Variants in MEGF8 observed in about 807,000 individuals in gnomAD.
MEGF8 encodes multiple epidermal growth factor-like domains protein 8.
A neutral mutation model predicts 302.9 loss-of-function variants in MEGF8; 156 were observed. That is an observed-to-expected ratio of 0.52 (90% CI 0.45 to 0.59). The LOEUF is 0.59. Ranked by LOEUF, MEGF8 falls within the 20% of genes least tolerant of loss-of-function variation. MEGF8 has a pLI of 0.00. For synonymous variants in MEGF8, 1,621 were observed against 1,660.5 expected (o/e 0.98, Z 0.58); for missense variants, 3,345 against 3,964.5 (o/e 0.84, Z 4.20).
chr19:42,350,117 G>A, intron 14 of MEGF8, 31 bp from the exon 15 acceptor site: 1 of 1,569,238 alleles, frequency 6.4e-7, no homozygotes, highest in Non-Finnish European at 8.7e-7. Context: ...CCCAGACCTT[G>A]ACTGCTGCCT....
rs1480711467 is a variant in MEGF8 at position 42,363,047 on chromosome 19, G to A, written c.6059-1G>A. ...TTCTAATCCCCGTGCCCCACCCCCA[G>A]GGGAGACCCGCCGCATCCTCTCCGT... On this transcript the variant is annotated splice_acceptor_variant, in intron 34 of 41. Transcript: ENST00000251268. LOFTEE classifies it high-confidence loss of function. The A allele has an allele frequency of 6.2e-7, 1 of 1,611,808 alleles. No individual in the cohort carries two copies. Among genetic ancestry groups the A allele is most frequent in the Non-Finnish European group, 8.5e-7 (1 of 1,179,074 alleles).
chr19:42,326,372 C>A lies in MEGF8; in HGVS notation c.129C>A (p.Phe43Leu). 5 of 1,585,408 alleles carry A rather than the reference C, an allele frequency of 3.2e-6. No individual in the cohort carries two copies. The highest frequency in any genetic ancestry group is 4.3e-6 in the Non-Finnish European group (5 of 1,168,632). Residue 43 changes from phenylalanine (F) to leucine (L), a missense_variant, in exon 1 of 42, where the codon TTC (phenylalanine) becomes TTA (leucine). Phe to Leu is a conservative substitution (Grantham distance 22). Coordinates refer to ENST00000251268, the MANE Select transcript of MEGF8 (RefSeq NM_001271938.2). ...AGGTGCTGCGGGAGGCGCCAGGCTT[C>A]GTGACGGATGGTGCGGGCAACTACA... ...QRQVLREAPG[F>L]VTDGAGNYSV...
At chr19:42,367,860 T>G (rs1013050303) in intron 35 of MEGF8, among the ~76,000 whole-genome samples, 6 of 152,320 alleles carry the variant, frequency 3.9e-5, no homozygotes, top group African/African-American at 1.4e-4. Context: ...CTGCGTCCTC[T>G]TTATTTAATC....
intron 39 of MEGF8, 134 bp from the exon 40 acceptor site, chr19:42,370,567 C>T: frequency 9.7e-7 from 1 of 1,034,770 alleles, no homozygotes; most frequent in Non-Finnish European, 1.4e-6. Context: ...ACTCCTGGAT[C>T]TGAGGGAGGA....
intron 41 of MEGF8, among the ~76,000 whole-genome samples, chr19:42,374,121 G>A (rs896682309): frequency 6.6e-6 from 1 of 152,108 alleles, no homozygotes; most frequent in Admixed American, 6.5e-5. Flanking sequence ...GATATGAAAG[G>A]CTTTGCAAGA....
Position 42,358,438 on chromosome 19 carries a change from C to A in MEGF8, c.5175+131C>A. 1 of 1,172,412 alleles carries A rather than the reference C, an allele frequency of 8.5e-7. No individual in the cohort carries two copies. The highest frequency in any genetic ancestry group is 1.2e-6 in the Non-Finnish European group (1 of 858,600). The allele number at this position is 1,172,412 out of a possible 1,614,324, so 72.6% of individuals were successfully genotyped here. A position where few individuals can be genotyped will look rare whatever the true frequency, so the allele number is the denominator to read the frequency against. On this transcript the variant is annotated intron_variant, in intron 29 of 41. Transcript: ENST00000251268. This position sits in a 1 kb window ranked among gnomAD's most constrained non-coding sequence, Gnocchi z 4.4. Reference sequence around the variant, plus strand: ...CTTTCTATGTTCCCTAACTAAGCGACACCCCCACATCTCCCCCGCTTCCAT... The same window carrying A: ...CTTTCTATGTTCCCTAACTAAGCGAAACCCCCACATCTCCCCCGCTTCCAT...
At chr19:42,363,874 G>T (rs1018109616) in intron 35 of MEGF8, among the ~76,000 whole-genome samples, 2 of 152,110 alleles carry the variant, frequency 1.3e-5, no homozygotes, top group Admixed American at 6.5e-5. Flanking sequence ...GGTTTCTGTC[G>T]GTCTGATAGT....
At chr19:42,348,622 CAGAGTCTCACT>C in intron 13 of MEGF8, 150 bp downstream of exon 13, 1 of 773,060 alleles carries the variant, frequency 1.3e-6, no homozygotes, top group Non-Finnish European at 2.0e-6. Context: ...GTGTGTAAGA[CAGAGTCTCACT>C]CTGTTGTCCA....
At chr19:42,371,747 G>A (rs903451422) in intron 41 of MEGF8, among the ~76,000 whole-genome samples, 6 of 152,044 alleles carry the variant, frequency 3.9e-5, no homozygotes, top group African/African-American at 1.2e-4. Context: ...ACAGCTAAAG[G>A]TGGCACATGC....
In MEGF8 at chr19:42,363,259, G is replaced by T. The variant is rs771398845; in HGVS notation, c.6270G>T (p.Gln2090His). The change falls in exon 35 of 42, where the codon CAG becomes CAT. Residue 2090 changes from glutamine to histidine, a missense_variant. Coordinates refer to ENST00000251268, the MANE Select transcript of MEGF8 (RefSeq NM_001271938.2). ...ACTGTGTTTGGAGCAGCAGCCTGCAGCAGGTACTGCACCTGGCCAGGACCG... is the reference window on the plus strand; with the variant it reads ...ACTGTGTTTGGAGCAGCAGCCTGCATCAGGTACTGCACCTGGCCAGGACCG... ...WQHCVWSSSL[Q>H]QCLSPSYLPL... is the part of the protein sequence containing the mutation. 1.3e-6 allele frequency: 2 copies of T among 1,589,692 alleles called. No individual in the cohort carries two copies. Among genetic ancestry groups the T allele is most frequent in the Non-Finnish European group, 1.7e-6 (2 of 1,168,208 alleles).
At chr19:42,343,214 A>G (rs1057432752) in intron 8 of MEGF8, among the ~76,000 whole-genome samples, 3 of 152,208 alleles carry the variant, frequency 2.0e-5, no homozygotes, top group African/African-American at 7.2e-5. Flanking sequence ...TAGTTGATCC[A>G]CGATTTGAAC....
Position 42,376,023 on chromosome 19 carries a change from C to A in MEGF8, c.7786C>A (p.Leu2596Met), listed in dbSNP as rs140517402. 901 of 1,604,934 alleles carry A rather than the reference C, an allele frequency of 5.6e-4. 2 individuals carry two copies. Among genetic ancestry groups the A allele is most frequent in the Non-Finnish European group, 7.3e-4 (862 of 1,177,588 alleles). Residue 2596 changes from leucine to methionine, a missense_variant, in exon 42 of 42, where the codon CTG becomes ATG. By Grantham distance (15) the Leu-to-Met change is conservative. Coordinates refer to ENST00000251268, the MANE Select transcript of MEGF8 (RefSeq NM_001271938.2). The surrounding 1 kb of genome is among the most constrained non-coding windows in gnomAD (Gnocchi z 8.2). ...GGTGGTCCGCGGCGTGCGGGACCGG[C>A]TGGTCATCACCTACCCACACGAGCA... is the stretch of plus-strand genomic sequence containing the variant. ...VLVVRGVRDRLVITYPHEHHA... is the reference protein window; with the variant it reads ...VLVVRGVRDRMVITYPHEHHA...
Position 42,368,591 on chromosome 19 carries a change from G to C in MEGF8, c.6410G>C (p.Gly2137Ala). Residue 2137 changes from glycine (G) to alanine (A), a missense_variant, in exon 36 of 42, where the codon GGC becomes GCC. By Grantham distance (60) the Gly-to-Ala change is moderately conservative. Transcript: ENST00000251268. The surrounding 1 kb of genome is among the most constrained non-coding windows in gnomAD (Gnocchi z 4.9). ...TTGTGCCTGCGGCGCCCCCATTGCGGCTGGTGTGCCTGGGGGGGCCAGGAT... is the reference window on the plus strand; with the variant it reads ...TTGTGCCTGCGGCGCCCCCATTGCGCCTGGTGTGCCTGGGGGGGCCAGGAT... ...CALCLRRPHC[G>A]WCAWGGQDGG... 6.3e-7 allele frequency: 1 copy of C among 1,578,118 alleles called. No individual in the cohort carries two copies. The highest frequency in any genetic ancestry group is 8.6e-7 in the Non-Finnish European group (1 of 1,162,734).
Position 42,352,345 on chromosome 19 carries a change from T to G in MEGF8, c.3239T>G (p.Leu1080Arg), listed in dbSNP as rs982821081. 1.3e-6 allele frequency: 2 copies of G among 1,588,282 alleles called. No individual in the cohort carries two copies. The highest frequency in any genetic ancestry group is 1.7e-6 in the Non-Finnish European group (2 of 1,168,294). The change falls in exon 19 of 42, where the codon CTG becomes CGG. Residue 1080 changes from leucine (L) to arginine (R), a missense_variant. By Grantham distance (102) the Leu-to-Arg change is moderately radical. Transcript: ENST00000251268. This position sits in a 1 kb window ranked among gnomAD's most constrained non-coding sequence, Gnocchi z 4.4. The stretch of plus-strand genomic sequence containing the variant: ...TGTCCTGACGTGGATGAGTGTCGCC[T>G]GGGCCTGGCCCGGTGCCACCCGCGG... ...ARCPDVDECR[L>R]GLARCHPRAT... is the part of the protein sequence containing the mutation.
At chr19:42,345,993 C>T (rs1463940565) in intron 12 of MEGF8, among the ~76,000 whole-genome samples, 3 of 152,106 alleles carry the variant, frequency 2.0e-5, no homozygotes, top group Admixed American at 6.6e-5. Flanking sequence ...CTGCAGCTCC[C>T]GGGTTCAAGT....
At chr19:42,361,951 T>G in intron 32 of MEGF8, 139 bp from the exon 33 acceptor site, 2 of 1,294,722 alleles carry the variant, frequency 1.5e-6, no homozygotes, top group Non-Finnish European at 1.0e-6. Context: ...TACCAAATGG[T>G]GGTGGGGACA....
At chr19:42,327,690 A>G (rs1435844383) in intron 1 of MEGF8, among the ~76,000 whole-genome samples, 1 of 152,266 alleles carries the variant, frequency 6.6e-6, no homozygotes, top group African/African-American at 2.4e-5. Context: ...AGCTGAGATC[A>G]GAGGCATCTG....
intron 8 of MEGF8, among the ~76,000 whole-genome samples, chr19:42,339,247 G>A (rs2039179488): frequency 6.6e-6 from 1 of 152,080 alleles, no homozygotes; most frequent in Non-Finnish European, 1.5e-5. Flanking sequence ...ATATTCCTTG[G>A]GGTATATACC....
rs1187536940 is a variant in MEGF8, at chr19:42,362,596, A to G, written c.6057A>G (p.Thr2019=). ...TGTGGACGCGGCAGTTCAAGAGGACAGGTGAGCAGTGGGCCTAGTTCCTGA... is the reference window on the plus strand; with the variant it reads ...TGTGGACGCGGCAGTTCAAGAGGACGGGTGAGCAGTGGGCCTAGTTCCTGA... ...KCMWTRQFKR[T]GETRRILSVQ... The change falls in exon 34 of 42, where the codon ACA becomes ACG. Residue 2019 remains threonine (T), a splice_region_variant and synonymous_variant. Coordinates refer to ENST00000251268, the MANE Select transcript of MEGF8 (RefSeq NM_001271938.2). 9 of 1,608,008 alleles carry G rather than the reference A, an allele frequency of 5.6e-6. No individual in the cohort carries two copies. In the African/African-American group the frequency reaches 1.2e-4, roughly 22 times the overall value.
Sources: allele counts gnomAD v4.1 joint callset (sites outside exome capture counted in the v4.1 genomes callset), GRCh38; gene constraint gnomAD v4.1.1; non-coding constraint Gnocchi (gnomAD v3.1); transcripts MANE v1.5; gene names NCBI Gene and HGNC (gene_info 2026-07-23, HGNC 2026-07-21).